MARK3: variants seen among roughly 807,000 people sequenced by gnomAD.
MARK3 encodes the protein microtubule affinity regulating kinase 3, also known as MAP/microtubule affinity-regulating kinase 3.
MARK3 carries 46 observed loss-of-function variants against 90.1 expected under a neutral mutation model. The ratio of observed to expected loss-of-function variants is 0.51; its 90% CI spans 0.40 to 0.65. The LOEUF (loss-of-function observed/expected upper bound fraction) is 0.65. Among genes scored for constraint, MARK3 ranks in the 30% least tolerant of loss-of-function variants. MARK3 has a pLI of 0.00. For missense variants in MARK3, 818 were observed against 947.2 expected, an observed-to-expected ratio of 0.86 and a Z score of 1.79; for synonymous variants, 321 against 332.6, an observed-to-expected ratio of 0.97 and a Z score of 0.38.
intron 3 of MARK3, among the ~76,000 whole-genome samples, chr14:103,432,129 T>C (rs138639861): frequency 6.6e-6 from 1 of 152,302 alleles, no homozygotes; most frequent in East Asian, 1.9e-4. Context: ...CCAATTAAAA[T>C]ATTAAACAAG....
intron 1 of MARK3, among the ~76,000 whole-genome samples, chr14:103,395,475 G>C (rs2090522070): frequency 6.6e-6 from 1 of 151,960 alleles, no homozygotes; most frequent in Non-Finnish European, 1.5e-5. Flanking sequence ...TTTCATCTCT[G>C]TCAGGCTGGC....
chr14:103,500,481 C>T (rs889313176), intron 17 of MARK3, among the ~76,000 whole-genome samples: 81 of 152,176 alleles, frequency 5.3e-4, no homozygotes, highest in African/African-American at 1.8e-3. Context: ...GGTAGCAGTG[C>T]TCAGAGAAAT....
chr14:103,417,807 C>T (rs937290198), intron 2 of MARK3, among the ~76,000 whole-genome samples: 14 of 152,174 alleles, frequency 9.2e-5, no homozygotes, highest in Middle Eastern at 3.4e-3. Context: ...TGACTCATGC[C>T]TGTAATCTCA....
intron 1 of MARK3, 30 bp downstream of exon 1, chr14:103,386,110 A>G (rs766496092): frequency 1.2e-6 from 2 of 1,610,944 alleles, no homozygotes; most frequent in Admixed American, 3.3e-5. Context: ...TAGTTGGCGG[A>G]CCTTCGGGGT....
At chr14:103,418,326 A>G (rs931151286) in intron 2 of MARK3, among the ~76,000 whole-genome samples, 3 of 144,512 alleles carry the variant, frequency 2.1e-5, no homozygotes, top group African/African-American at 7.8e-5. Context: ...TCTTTCATAT[A>G]GAGACTTTCT....
intron 7 of MARK3, among the ~76,000 whole-genome samples, chr14:103,464,016 G>A (rs968357288): frequency 6.6e-6 from 1 of 152,108 alleles, no homozygotes; most frequent in Non-Finnish European, 1.5e-5. Context: ...CATCCATTAT[G>A]ATCAGATGCA....
intron 3 of MARK3, among the ~76,000 whole-genome samples, chr14:103,441,274 CTTTTTTGT>C (rs895958669): frequency 4.9e-4 from 75 of 151,738 alleles, no homozygotes; most frequent in Admixed American, 1.6e-3. Context: ...CTTTTTATGT[CTTTTTTGT>C]TTTTTTGTTT....
intron 2 of MARK3, among the ~76,000 whole-genome samples, chr14:103,413,638 G>A (rs959000863): frequency 1.2e-4 from 15 of 125,046 alleles, no homozygotes; most frequent in African/African-American, 3.9e-4. Context: ...TTTTATTTTT[G>A]GTAGAGATGG....
chr14:103,405,035 T>C, intron 1 of MARK3, 41 bp from the exon 2 acceptor site: 1 of 1,540,540 alleles, frequency 6.5e-7, no homozygotes, highest in Non-Finnish European at 8.9e-7. Context: ...AAGTACTCTG[T>C]GTTCTCTCAT....
At chr14:103,388,435 A>G (rs1207678812) in intron 1 of MARK3, among the ~76,000 whole-genome samples, 1 of 152,226 alleles carries the variant, frequency 6.6e-6, no homozygotes, top group Non-Finnish European at 1.5e-5. Context: ...ACATTACTGC[A>G]CTGCTAAGTA....
At chr14:103,479,634 T>TTTTTC (rs1418067150) in intron 13 of MARK3, among the ~76,000 whole-genome samples, 1 of 141,660 alleles carries the variant, frequency 7.1e-6, no homozygotes, top group African/African-American at 2.6e-5. Flanking sequence ...ATAGCTTTTT[T>TTTTTC]TTTTTTTTTT....
chr14:103,385,873 A>G lies in MARK3; in HGVS notation c.-157A>G, dbSNP rs1052703261. ...GACCCGCCGGGGGACGGCCCGGGCC[A>G]GGCCCGGGATCTAGACGGCCGTAGG... On this transcript the variant is annotated 5_prime_UTR_variant, in exon 1 of 18. Transcript: ENST00000429436. The G allele has an allele frequency of 5.4e-6, 3 of 557,538 alleles. No individual in the cohort carries two copies. The highest frequency in any genetic ancestry group is 2.0e-5 in the African/African-American group (1 of 51,202). 34.5% of individuals were successfully genotyped at this position (557,538 alleles called of 1,614,324 possible). A position where few individuals can be genotyped will look rare whatever the true frequency, so the allele number is the denominator to read the frequency against.
chr14:103,480,520 G>T, intron 14 of MARK3, 30 bp downstream of exon 14: 1 of 1,435,462 alleles, frequency 7.0e-7, no homozygotes. Flanking sequence ...TGTAAGAAAA[G>T]TTGTTTTTCC....
intron 16 of MARK3, 152 bp from the exon 17 acceptor site, chr14:103,500,004 G>A: frequency 1.5e-6 from 1 of 679,522 alleles, no homozygotes; most frequent in Non-Finnish European, 2.7e-6. Context: ...CAAATGAGAG[G>A]AAGAGTTTTC....
chr14:103,398,162 AT>A lies in MARK3; in HGVS notation c.52-6913del, dbSNP rs545322664. ...CTCCAACTCTGTCACCACAAAAAAA[AT>A]GCTTCAACATCTTCATGCATGTCCC... On this transcript the variant is annotated intron_variant, in intron 1 of 17. Coordinates refer to ENST00000429436, the MANE Select transcript of MARK3 (RefSeq NM_001128918.3). Among the ~76,000 whole-genome samples, 27 of 152,342 alleles carry A rather than the reference AT, an allele frequency of 1.8e-4. No homozygotes were observed. The East Asian group carries it at 5.0e-3, about 28-fold the overall frequency.
At position 103,475,206 on chromosome 14, in the gene MARK3, C is replaced by T. The variant is rs753646857; in HGVS notation, c.1478C>T (p.Pro493Leu). The change falls in exon 13 of 18, where the codon CCT (proline) becomes CTT (leucine). Residue 493 changes from proline to leucine, a missense_variant. Around this residue, in one of 3 missense-constraint regions of MARK3, gnomAD observed 560 missense variants for 613.5 expected, o/e 0.91. Transcript: ENST00000429436. ...GAACGCAAGAAAAGCTCCACTGTCC[C>T]TAGTGTAAGTGTTGTTGAACTATAG... The part of the protein sequence containing the change: ...IPERKKSSTV[P>L]SSNTASGGMT... The T allele has an allele frequency of 1.9e-6, 3 of 1,612,700 alleles. No homozygotes were observed. The highest frequency in any genetic ancestry group is 3.3e-5 in the Admixed American group (2 of 59,996).
chr14:103,494,911 A>G (rs2075249362), intron 15 of MARK3, among the ~76,000 whole-genome samples: 1 of 152,172 alleles, frequency 6.6e-6, no homozygotes, highest in Non-Finnish European at 1.5e-5. Context: ...CATTATTTGA[A>G]TGCTTATTAT....
intron 7 of MARK3, among the ~76,000 whole-genome samples, chr14:103,463,445 G>T (rs140540264): frequency 6.6e-6 from 1 of 152,146 alleles, no homozygotes. Context: ...TGAGCAAAGG[G>T]TGTCTTCATA....
At chr14:103,407,643 C>G (rs1410907136) in intron 2 of MARK3, among the ~76,000 whole-genome samples, 1 of 133,044 alleles carries the variant, frequency 7.5e-6, no homozygotes, top group African/African-American at 2.8e-5. Flanking sequence ...TCCCTGTAAC[C>G]TCCGCCTCCT....
Sources: gnomAD v4.1 joint callset for allele counts (sites outside exome capture counted in the v4.1 genomes callset) on GRCh38, gnomAD v4.1.1 for gene constraint, gnomAD v4.1.1 regional missense constraint, MANE v1.5 for transcripts, NCBI Gene and HGNC (gene_info 2026-07-23, HGNC 2026-07-21) for gene names.